KRI1: variants seen among roughly 807,000 people sequenced by gnomAD.
KRI1 encodes the protein protein KRI1 homolog.
A neutral mutation model predicts 97.0 loss-of-function variants in KRI1; 83 were observed. That is an observed-to-expected ratio of 0.86 (90% CI 0.72 to 1.03). KRI1 has a LOEUF of 1.03. KRI1 is among the 50% of genes least tolerant of loss of function. KRI1 has a pLI of 0.00. For missense variants in KRI1, 916 were observed against 928.4 expected (o/e 0.99, Z 0.17); for synonymous variants, 371 against 363.5 (o/e 1.02, Z -0.23).
In KRI1 at chr19:10,557,859, T is replaced by A. The variant is rs1470247171; in HGVS notation, c.1396A>T (p.Lys466Ter). The A allele has an allele frequency of 3.1e-6, 5 of 1,613,698 alleles. No individual in the cohort carries two copies. The highest frequency in any genetic ancestry group is 4.2e-6 in the Non-Finnish European group (5 of 1,179,956). Residue 466 changes from lysine (K) to a stop codon, truncating the protein, a stop_gained, in exon 15 of 19, where the codon AAA (lysine) becomes TAA (stop). Transcript: ENST00000312962. LOFTEE classifies it high-confidence loss of function. ...ADYDPSQPRK[K>*]KREAPLTGKK... ...CCCGTCAAGGGGGCCTCGCGCTTTT[T>A]CTTCCTCGGCTGGCTGGGGTCGTAG... is the stretch of plus-strand genomic sequence containing the variant.
intron 12 of KRI1, among the ~76,000 whole-genome samples, chr19:10,558,806 A>G (rs1389908381): frequency 6.6e-6 from 1 of 152,044 alleles, no homozygotes; most frequent in East Asian, 1.9e-4. Flanking sequence ...CCCGGGTTCA[A>G]GCGATTCCCT....
chr19:10,565,174 A>C (rs1212482871), intron 2 of KRI1, 140 bp from the exon 3 acceptor site: 7 of 636,418 alleles, frequency 1.1e-5, no homozygotes, highest in Non-Finnish European at 1.7e-5. Context: ...GTCAAACAGC[A>C]GGAGGGAGAG....
At chr19:10,562,599 C>T in intron 4 of KRI1, 130 bp downstream of exon 4, 2 of 672,166 alleles carry the variant, frequency 3.0e-6, no homozygotes, top group Non-Finnish European at 5.5e-6. Flanking sequence ...TACCAAAGTG[C>T]TGGGATTATG....
rs1916660225 is a variant in KRI1 at position 10,560,427 on chromosome 19, TC to T, written c.684del (p.Trp228Ter). On this transcript the variant is annotated frameshift_variant, in exon 9 of 19. Coordinates refer to ENST00000312962, the MANE Select transcript of KRI1 (RefSeq NM_023008.5). LOFTEE classifies it high-confidence loss of function. ...LKELTHLKEY[W>X]NDPELDEGER... ...TCCCCTTCATCCAACTCAGGGTCGT[TC>T]CAGTATTCCTTGAGATGCGTCTGGG... 2.5e-6 allele frequency: 4 copies of T among 1,613,004 alleles called. No homozygotes were observed. The highest frequency in any genetic ancestry group is 3.4e-6 in the Non-Finnish European group (4 of 1,179,402).
At chr19:10,560,249 C>A in intron 9 of KRI1, 63 bp downstream of exon 9, 1 of 1,511,700 alleles carries the variant, frequency 6.6e-7, no homozygotes. Flanking sequence ...TGGCCAGTGC[C>A]GCCTGGGAAT....
chr19:10,553,107 T>C lies in KRI1; in HGVS notation c.*844A>G, dbSNP rs759364770. The C allele has an allele frequency of 1.9e-6, 3 of 1,546,734 alleles. No homozygotes were observed. The South Asian group carries it at 3.5e-5, about 18-fold the overall frequency. ...GGGAAAGATACAACACTATTTATTT[T>C]TTTATTTATGTCATGTCGGGTGTGG... On this transcript the variant is annotated 3_prime_UTR_variant, in exon 19 of 19. Transcript: ENST00000312962.
chr19:10,554,412 C>T, intron 18 of KRI1, 131 bp from the exon 19 acceptor site: 1 of 759,480 alleles, frequency 1.3e-6, no homozygotes, highest in Non-Finnish European at 2.1e-6. Flanking sequence ...CGAGGGCCTG[C>T]CTGGGATTCA....
At chr19:10,558,368 A>G in intron 12 of KRI1, 129 bp from the exon 13 acceptor site, 1 of 775,092 alleles carries the variant, frequency 1.3e-6, no homozygotes, top group Non-Finnish European at 2.2e-6. Context: ...CAGCCCTCCC[A>G]GCACCTAGCT....
At chr19:10,554,306 G>A (rs777673725) in intron 18 of KRI1, 25 bp from the exon 19 acceptor site, 2 of 1,594,952 alleles carry the variant, frequency 1.3e-6, no homozygotes, top group African/African-American at 1.3e-5. Flanking sequence ...TCAGGGCTCA[G>A]CCCAGGCCTG....
chr19:10,564,952 T>C lies in KRI1; in HGVS notation c.251A>G (p.Asp84Gly). The C allele has an allele frequency of 6.2e-7, 1 of 1,612,856 alleles. No homozygotes were observed. Reference protein sequence around the residue: ...KKKDPRIYQKDATFYNRTASS... With the variant: ...KKKDPRIYQKGATFYNRTASS... ...ACCTGTTCTGTTATAGAAGGTGGCATCTTTCTGATAAATGCGGGGGTCCTT... is the reference window on the plus strand; with the variant it reads ...ACCTGTTCTGTTATAGAAGGTGGCACCTTTCTGATAAATGCGGGGGTCCTT... The change falls in exon 3 of 19, where the codon GAT (aspartate) becomes GGT (glycine). Residue 84 changes from aspartate to glycine, a missense_variant. By Grantham distance (94) the Asp-to-Gly change is moderately conservative. Coordinates refer to ENST00000312962, the MANE Select transcript of KRI1 (RefSeq NM_023008.5).
chr19:10,554,298 A>G lies in KRI1; in HGVS notation c.1782-17T>C, dbSNP rs761868699. On this transcript the variant is annotated splice_polypyrimidine_tract_variant and intron_variant, in intron 18 of 18. Transcript: ENST00000312962. ...GTCTCTGCCCTGAGGGAGAAAAGTC[A>G]GGGCTCAGCCCAGGCCTGTCAAGAT... 161 of 1,607,610 alleles carry G rather than the reference A, an allele frequency of 1.0e-4. No individual in the cohort carries two copies. The highest frequency in any genetic ancestry group is 1.3e-4 in the Non-Finnish European group (149 of 1,175,134).
chr19:10,563,348 A>G (rs143692978), intron 3 of KRI1, among the ~76,000 whole-genome samples: 2,041 of 147,694 alleles, frequency 0.014, 36 homozygotes, highest in African/African-American at 0.048. Flanking sequence ...GAGCCACCGC[A>G]CCCGGCCATT....
At chr19:10,557,136 G>A (rs1300419640) in intron 16 of KRI1, among the ~76,000 whole-genome samples, 3 of 141,370 alleles carry the variant, frequency 2.1e-5, no homozygotes, top group African/African-American at 5.2e-5. Context: ...TTTTTTTGGC[G>A]CTCTGTCACC....
At chr19:10,560,286 G>A (rs1237421420) in intron 9 of KRI1, 26 bp downstream of exon 9, 1 of 1,570,840 alleles carries the variant, frequency 6.4e-7, no homozygotes. Flanking sequence ...CCAAAATCTA[G>A]GTCCTGGGGA....
chr19:10,559,397 CT>C lies in KRI1; in HGVS notation c.1155del (p.Asp386ThrfsTer87). On this transcript the variant is annotated frameshift_variant, in exon 12 of 19. Coordinates refer to ENST00000312962, the MANE Select transcript of KRI1 (RefSeq NM_023008.5). LOFTEE classifies it high-confidence loss of function. ...EMLGLEEGDLEDDFDPAQHDQ... is the reference protein window; with the variant it reads ...EMLGLEEGDLXDDFDPAQHDQ... ...TCGTGCTGGGCAGGGTCGAAGTCGT[CT>C]TCAAGGTCCCCCTCCTCGAGGCCCA... 6.2e-7 allele frequency: 1 copy of C among 1,614,136 alleles called. No individual in the cohort carries two copies. Among genetic ancestry groups the C allele is most frequent in the Non-Finnish European group, 8.5e-7 (1 of 1,180,038 alleles).
chr19:10,562,015 GT>G (rs749837085), intron 4 of KRI1, among the ~76,000 whole-genome samples, 170 bp from the exon 5 acceptor site: 5,711 of 131,652 alleles, frequency 0.043, 119 homozygotes, highest in Non-Finnish European at 0.068. Context: ...AGTTTCCAGC[GT>G]TTTTTTTTTT....
Position 10,562,845 on chromosome 19 carries a change from C to T in KRI1, c.275-8G>A, listed in dbSNP as rs1249133680. 1.3e-5 allele frequency: 21 copies of T among 1,571,894 alleles called. No individual in the cohort carries two copies. The highest frequency in any genetic ancestry group is 1.8e-5 in the Non-Finnish European group (21 of 1,141,578). On this transcript the variant is annotated splice_polypyrimidine_tract_variant and splice_region_variant and intron_variant, in intron 3 of 18. Transcript: ENST00000312962. ...CACTGTCTGATGACGATGCTGTTAA[C>T]CCACCAAAGACACCTGCCATCACCC...
At chr19:10,561,927 G>A in intron 4 of KRI1, 82 bp from the exon 5 acceptor site, 1 of 1,285,098 alleles carries the variant, frequency 7.8e-7, no homozygotes, top group Non-Finnish European at 1.1e-6. Flanking sequence ...GCTATTCCAA[G>A]CAACAGCTGG....
At chr19:10,562,079 C>T (rs1289489880) in intron 4 of KRI1, among the ~76,000 whole-genome samples, 1 of 150,182 alleles carries the variant, frequency 6.7e-6, no homozygotes, top group African/African-American at 2.5e-5. Flanking sequence ...GCCAGGGTCT[C>T]GCTCTATCCC....
Sources: gnomAD v4.1 joint callset for allele counts (sites outside exome capture counted in the v4.1 genomes callset) on GRCh38, gnomAD v4.1.1 for gene constraint, MANE v1.5 for transcripts, NCBI Gene and HGNC (gene_info 2026-07-23, HGNC 2026-07-21) for gene names.